The following RUNX1 variants were observed in gnomAD, a reference collection of about 807,000 sequenced individuals.
The protein encoded by RUNX1 is RUNX family transcription factor 1, also known as runt-related transcription factor 1.
In RUNX1, 19 loss-of-function variants were observed where a neutral mutation model predicts 42.8. The observed-to-expected ratio is 0.44, with a 90% CI of 0.31 to 0.65. The LOEUF is 0.65. Ranked by LOEUF, RUNX1 falls within the 30% of genes least tolerant of loss-of-function variation. RUNX1 has a pLI of 0.07. For synonymous variants in RUNX1, 271 were observed against 289.4 expected (o/e 0.94, Z 0.64); for missense variants, 528 against 672.0 (o/e 0.79, Z 2.37).
intron 2 of RUNX1, among the ~76,000 whole-genome samples, chr21:34,903,183 T>G (rs1158635390): frequency 6.6e-6 from 1 of 152,202 alleles, no homozygotes; most frequent in Admixed American, 6.5e-5. Flanking sequence ...AGTTACTCAG[T>G]GTTATCCAAA....
chr21:34,802,897 G>C lies in RUNX1; in HGVS notation c.806-3435C>G, dbSNP rs2056628021. Among the ~76,000 whole-genome samples the C allele has an allele frequency of 2.0e-5, 3 of 152,162 alleles. 1 individual carries two copies. Among genetic ancestry groups the C allele is most frequent in the Middle Eastern group, 6.3e-3 (2 of 316 alleles). ...GAATTCTGACTTCAAAGGGTAATAG[G>C]AGTAAGTGAGATAAACTATATGGAA... On this transcript the variant is annotated intron_variant, in intron 7 of 8. Transcript: ENST00000675419.
chr21:35,033,614 G>C (rs886793563), intron 2 of RUNX1, among the ~76,000 whole-genome samples: 1 of 152,120 alleles, frequency 6.6e-6, no homozygotes. Context: ...CAGAAATTTC[G>C]GGAGAAATTC....
chr21:34,972,930 G>T (rs940815510), intron 2 of RUNX1, among the ~76,000 whole-genome samples: 1 of 152,082 alleles, frequency 6.6e-6, no homozygotes, highest in African/African-American at 2.4e-5. Flanking sequence ...TTTTACATTA[G>T]TGACTCCCAA....
intron 7 of RUNX1, among the ~76,000 whole-genome samples, chr21:34,810,115 CCTTCCT>C (rs1458162106): frequency 6.6e-6 from 1 of 152,234 alleles, no homozygotes; most frequent in Non-Finnish European, 1.5e-5. Context: ...ATCTCAAAAG[CCTTCCT>C]CTCTACACAA....
intron 7 of RUNX1, among the ~76,000 whole-genome samples, chr21:34,811,241 C>T (rs2145954701): frequency 6.6e-6 from 1 of 152,330 alleles, no homozygotes; most frequent in African/African-American, 2.4e-5. Context: ...GTAGAATTCC[C>T]CAAGTGGAAG....
chr21:34,815,659 G>A (rs1408035229), intron 7 of RUNX1, among the ~76,000 whole-genome samples: 1 of 152,198 alleles, frequency 6.6e-6, no homozygotes, highest in African/African-American at 2.4e-5. Context: ...CACCAAGGAA[G>A]GAGGAAGAAC....
chr21:34,791,388 G>A lies in RUNX1; in HGVS notation c.*747C>T, dbSNP rs2056432181. On this transcript the variant is annotated 3_prime_UTR_variant, in exon 9 of 9. Transcript: ENST00000675419. ...ATACATAAATATCTGGGGATTCCTT[G>A]TGGGAATACAGTAGTTAAAAATGAC... The A allele has an allele frequency of 4.3e-6, 1 of 231,358 alleles. No individual in the cohort carries two copies. The highest frequency in any genetic ancestry group is 5.6e-5 in the Admixed American group (1 of 17,704). 14.3% of individuals were successfully genotyped at this position (231,358 alleles called of 1,614,324 possible).
rs377642452 is a variant in RUNX1, at chr21:34,880,755, T to C, written c.352-42A>G. The C allele has an allele frequency of 1.0e-5, 16 of 1,601,250 alleles. No homozygotes were observed. The African/African-American group carries it at 1.6e-4, about 16-fold the overall frequency. On this transcript the variant is annotated intron_variant, in intron 4 of 8. Coordinates refer to ENST00000675419, the MANE Select transcript of RUNX1 (RefSeq NM_001754.5). ...GGACAAATGCAGACATCAGGGATGT[T>C]ATACATACACTTTTAGGGCATTTGT...
At chr21:34,994,440 T>C (rs558911058) in intron 2 of RUNX1, among the ~76,000 whole-genome samples, 1 of 152,204 alleles carries the variant, frequency 6.6e-6, no homozygotes, top group East Asian at 1.9e-4. Context: ...AAAGAATAAA[T>C]GCTGAGAGGA....
At chr21:34,990,406 G>A (rs545639049) in intron 2 of RUNX1, among the ~76,000 whole-genome samples, 13 of 152,244 alleles carry the variant, frequency 8.5e-5, no homozygotes, top group East Asian at 3.9e-4. Flanking sequence ...CACGTGTGCC[G>A]CTGTGTGACA....
At chr21:34,883,307 T>A (rs1002880807) in intron 4 of RUNX1, among the ~76,000 whole-genome samples, 11 of 152,182 alleles carry the variant, frequency 7.2e-5, no homozygotes, top group African/African-American at 2.7e-4. Context: ...TCACTTGGCC[T>A]TGTATTGATC....
In RUNX1 at chr21:34,834,177, T is replaced by C. The variant is rs550780604; in HGVS notation, c.805+233A>G. On this transcript the variant is annotated intron_variant, in intron 7 of 8. Transcript: ENST00000675419. ...CTCGTATCCTCTGTAGCAGTGCTTT[T>C]CCTTGTGGGGATCTGGTTACAATGC... The C allele has an allele frequency of 4.3e-6, 3 of 699,548 alleles. No homozygotes were observed. In the South Asian group the frequency reaches 4.5e-5, roughly 10 times the overall value. 43.3% of individuals were successfully genotyped at this position (699,548 alleles called of 1,614,324 possible). A position where few individuals can be genotyped will look rare whatever the true frequency, so the allele number is the denominator to read the frequency against.
intron 8 of RUNX1, among the ~76,000 whole-genome samples, chr21:34,798,338 C>A (rs998149007): frequency 7.2e-5 from 11 of 152,204 alleles, no homozygotes; most frequent in African/African-American, 2.7e-4. Flanking sequence ...TTGCCTTCAA[C>A]AAAGGAATTT....
chr21:34,991,682 G>A (rs1286013136), intron 2 of RUNX1, among the ~76,000 whole-genome samples: 7 of 152,280 alleles, frequency 4.6e-5, no homozygotes, highest in African/African-American at 4.8e-5. Context: ...ATAGGGGAAC[G>A]GCTCCCACGT....
At chr21:34,935,861 T>C (rs1404303053) in intron 2 of RUNX1, among the ~76,000 whole-genome samples, 1 of 152,146 alleles carries the variant, frequency 6.6e-6, no homozygotes. Context: ...ATAGTTTTCC[T>C]CCTTATATTA....
intron 2 of RUNX1, among the ~76,000 whole-genome samples, chr21:34,900,550 A>G (rs2058168861): frequency 6.6e-6 from 1 of 152,328 alleles, no homozygotes; most frequent in Non-Finnish European, 1.5e-5. Flanking sequence ...TCAAAGGTGG[A>G]AGAACACACA....
In RUNX1 at chr21:34,790,262, TA is replaced by T. The variant is rs2056417937; in HGVS notation, c.*1872del. On this transcript the variant is annotated 3_prime_UTR_variant, in exon 9 of 9. Transcript: ENST00000675419. ...AAGAAAACTCAAAAACAAGTTGTTT[TA>T]AATAAGTCCAGCTGTTTTTGCTGCC... The T allele has an allele frequency of 4.3e-6, 1 of 233,454 alleles. No homozygotes were observed. The allele number at this position is 233,454 out of a possible 1,614,324, so 14.5% of individuals were successfully genotyped here.
At chr21:34,994,134 T>C (rs575172932) in intron 2 of RUNX1, among the ~76,000 whole-genome samples, 8 of 152,176 alleles carry the variant, frequency 5.3e-5, no homozygotes, top group Admixed American at 4.6e-4. Flanking sequence ...ATGATAAACA[T>C]AGAGCAAGTT....
intron 5 of RUNX1, among the ~76,000 whole-genome samples, chr21:34,861,431 C>CCA (rs1448453471): frequency 2.6e-5 from 4 of 152,202 alleles, no homozygotes; most frequent in Non-Finnish European, 4.4e-5. Context: ...GCAGCCACAT[C>CCA]CACATGTTCC....
Sources: gnomAD v4.1 joint callset for allele counts (sites outside exome capture counted in the v4.1 genomes callset) on GRCh38, gnomAD v4.1.1 for gene constraint, MANE v1.5 for transcripts, NCBI Gene and HGNC (gene_info 2026-07-23, HGNC 2026-07-21) for gene names.